Variants in ZNF407 observed in about 807,000 individuals in gnomAD.
The protein encoded by ZNF407 is zinc finger protein 407.
In ZNF407, 17 loss-of-function variants were observed where a neutral mutation model predicts 131.2. That is an observed-to-expected ratio of 0.13 (90% CI 0.09 to 0.19). The LOEUF is 0.19. Ranked by LOEUF, ZNF407 falls within the 10% of genes least tolerant of loss-of-function variation. ZNF407 has a pLI of 1.00. For synonymous variants in ZNF407, 1,156 were observed against 1,062.0 expected (o/e 1.09, Z -1.72); for missense variants, 2,681 against 2,830.6 (o/e 0.95, Z 1.20).
intron 7 of ZNF407, among the ~76,000 whole-genome samples, chr18:74,904,152 A>G (rs1317466341): frequency 6.6e-6 from 1 of 152,218 alleles, no homozygotes; most frequent in Non-Finnish European, 1.5e-5. Context: ...TTTTTAGCTC[A>G]GAGACTTTAG....
intron 8 of ZNF407, among the ~76,000 whole-genome samples, chr18:75,021,129 A>G (rs945603711): frequency 7.9e-5 from 12 of 152,118 alleles, no homozygotes; most frequent in Non-Finnish European, 1.5e-4. Context: ...AGCTAAATAC[A>G]TCTGATTTCA....
intron 3 of ZNF407, among the ~76,000 whole-genome samples, chr18:74,641,374 T>C (rs1984708283): frequency 6.6e-6 from 1 of 152,196 alleles, no homozygotes; most frequent in African/African-American, 2.4e-5. Flanking sequence ...ATTGACTAAA[T>C]TATAGGATGT....
intron 8 of ZNF407, among the ~76,000 whole-genome samples, chr18:74,945,225 G>T (rs1373943234): frequency 6.6e-6 from 1 of 152,082 alleles, no homozygotes; most frequent in Non-Finnish European, 1.5e-5. Context: ...ATTTTTAAAA[G>T]CGGGAGTTGG....
chr18:74,810,356 T>C (rs1599169883), intron 4 of ZNF407, among the ~76,000 whole-genome samples: 1 of 22,598 alleles, frequency 4.4e-5, no homozygotes, highest in Non-Finnish European at 1.8e-4. Flanking sequence ...GCACCTTTGC[T>C]TTTTTTTTTT....
At chr18:75,012,384 T>C (rs577093734) in intron 8 of ZNF407, among the ~76,000 whole-genome samples, 10 of 76,520 alleles carry the variant, frequency 1.3e-4, no homozygotes, top group African/African-American at 5.0e-4. Flanking sequence ...TATGTACACA[T>C]AGTGTATGTA....
At chr18:74,975,358 A>G (rs1375977564) in intron 8 of ZNF407, among the ~76,000 whole-genome samples, 2 of 152,218 alleles carry the variant, frequency 1.3e-5, no homozygotes, top group African/African-American at 4.8e-5. Context: ...GATCGGTGTA[A>G]TCTAAGCATA....
At chr18:74,715,675 A>G (rs1247824076) in intron 3 of ZNF407, among the ~76,000 whole-genome samples, 1 of 152,184 alleles carries the variant, frequency 6.6e-6, no homozygotes, top group Non-Finnish European at 1.5e-5. Flanking sequence ...AAAATTAATT[A>G]TTTCACATGA....
intron 3 of ZNF407, among the ~76,000 whole-genome samples, chr18:74,660,644 T>G (rs1985674752): frequency 6.6e-6 from 1 of 152,146 alleles, no homozygotes; most frequent in African/African-American, 2.4e-5. Context: ...CTTTCCTATG[T>G]TTTAAGTTCA....
At chr18:74,870,729 T>G (rs1971074803) in intron 4 of ZNF407, among the ~76,000 whole-genome samples, 2 of 152,210 alleles carry the variant, frequency 1.3e-5, no homozygotes, top group South Asian at 4.1e-4. Context: ...ATGACTGTGG[T>G]CTTATCACAG....
At chr18:74,853,320 T>C (rs1970815698) in intron 4 of ZNF407, among the ~76,000 whole-genome samples, 1 of 152,194 alleles carries the variant, frequency 6.6e-6, no homozygotes, top group African/African-American at 2.4e-5. Context: ...AGTTAACAGA[T>C]GGAGGAGCTT....
At chr18:74,887,734 C>T (rs1019071353) in intron 6 of ZNF407, among the ~76,000 whole-genome samples, 4 of 152,086 alleles carry the variant, frequency 2.6e-5, no homozygotes, top group African/African-American at 9.7e-5. Flanking sequence ...TGTACTCTTT[C>T]CATATTTTTA....
Position 74,929,420 on chromosome 18 carries a change from G to A in ZNF407, c.5428+8728G>A, listed in dbSNP as rs145451811. On this transcript the variant is annotated intron_variant, in intron 8 of 8. Coordinates refer to ENST00000299687, the MANE Select transcript of ZNF407 (RefSeq NM_017757.3). ...AAAAAAGTAAACAAAATTGAAAATC[G>A]TGATCTTATCCCCTCTGACAGCTTC... 3.5e-3 allele frequency among the ~76,000 whole-genome samples: 533 copies of A among 152,016 alleles called. 3 individuals carry two copies. Among genetic ancestry groups the A allele is most frequent in the East Asian group, 8.5e-3 (44 of 5,174 alleles).
chr18:74,806,408 TG>T (rs1970109997), intron 4 of ZNF407, among the ~76,000 whole-genome samples: 1 of 152,170 alleles, frequency 6.6e-6, no homozygotes, highest in Admixed American at 6.5e-5. Context: ...CCTATGCCAA[TG>T]GGGGGTTGTA....
At chr18:74,821,762 T>C (rs1970344154) in intron 4 of ZNF407, among the ~76,000 whole-genome samples, 1 of 152,220 alleles carries the variant, frequency 6.6e-6, no homozygotes, top group Non-Finnish European at 1.5e-5. Flanking sequence ...GTAGAATGAT[T>C]TATAATCCTT....
chr18:74,881,832 C>T (rs1205179868), intron 6 of ZNF407, among the ~76,000 whole-genome samples: 2 of 152,128 alleles, frequency 1.3e-5, no homozygotes, highest in African/African-American at 2.4e-5. Context: ...TAAACACATA[C>T]CCGAGACTGG....
chr18:74,833,926 C>G (rs1399705294), intron 4 of ZNF407, among the ~76,000 whole-genome samples: 1 of 152,072 alleles, frequency 6.6e-6, no homozygotes, highest in Non-Finnish European at 1.5e-5. Context: ...TACTGAGAAG[C>G]CTTTTAGACA....
At chr18:74,958,814 T>G (rs1375146138) in intron 8 of ZNF407, among the ~76,000 whole-genome samples, 5 of 152,048 alleles carry the variant, frequency 3.3e-5, no homozygotes, top group African/African-American at 1.2e-4. Flanking sequence ...TTAGCAGAGG[T>G]CTTGGTTCCT....
At chr18:74,742,278 G>T (rs997461874) in intron 3 of ZNF407, among the ~76,000 whole-genome samples, 14 of 152,036 alleles carry the variant, frequency 9.2e-5, no homozygotes, top group African/African-American at 2.9e-4. Flanking sequence ...CATTTAAGAG[G>T]ACATACTTTC....
intron 2 of ZNF407, among the ~76,000 whole-genome samples, chr18:74,638,784 A>C (rs764100949): frequency 7.2e-5 from 11 of 152,228 alleles, no homozygotes; most frequent in Non-Finnish European, 1.2e-4. Context: ...AATGTACCTG[A>C]GAGAAATATT....
Sources: gnomAD v4.1 joint callset for allele counts (sites outside exome capture counted in the v4.1 genomes callset) on GRCh38, gnomAD v4.1.1 for gene constraint, MANE v1.5 for transcripts, NCBI Gene and HGNC (gene_info 2026-07-23, HGNC 2026-07-21) for gene names.